TRIB2: variants seen among roughly 807,000 people sequenced by gnomAD.
The protein encoded by TRIB2 is tribbles pseudokinase 2.
TRIB2 carries 2 observed loss-of-function variants against 26.8 expected under a neutral mutation model. That is an observed-to-expected ratio of 0.07 (90% CI 0.03 to 0.24). The LOEUF (loss-of-function observed/expected upper bound fraction) is 0.24, where lower values mean the gene tolerates loss of function less well. TRIB2 is among the 10% of genes least tolerant of loss of function. TRIB2 has a pLI of 1.00. For missense variants in TRIB2, 306 were observed against 449.0 expected (o/e 0.68, Z 2.88); for synonymous variants, 189 against 187.3 (o/e 1.01, Z -0.08).
Position 12,723,499 on chromosome 2 carries a change from G to A in TRIB2, c.510G>A (p.Gly170=), listed in dbSNP as rs766174110. 5.6e-6 allele frequency: 9 copies of A among 1,614,204 alleles called. No homozygotes were observed. In the South Asian group the frequency reaches 8.8e-5, roughly 16 times the overall value. Residue 170 remains glycine, a synonymous_variant, in exon 2 of 3, where the codon GGG becomes GGA. Coordinates refer to ENST00000155926, the MANE Select transcript of TRIB2 (RefSeq NM_021643.4). ...CAGTGGCCCACTGCCATGACGGGGG[G>A]CTGGTGCTGCGGGACCTCAAGCTGC... The part of the protein sequence containing the change: ...ASAVAHCHDG[G]LVLRDLKLRK...
At chr2:12,729,540 C>T (rs1056996038) in intron 2 of TRIB2, among the ~76,000 whole-genome samples, 2 of 152,152 alleles carry the variant, frequency 1.3e-5, no homozygotes, top group African/African-American at 2.4e-5. Context: ...GAAATTTACC[C>T]ATCATTTCCC....
At chr2:12,728,750 A>G (rs1251165369) in intron 2 of TRIB2, among the ~76,000 whole-genome samples, 41 of 152,138 alleles carry the variant, frequency 2.7e-4, no homozygotes, top group Admixed American at 2.5e-3. Flanking sequence ...TTTCGGTATA[A>G]TAAACGCCAC....
In TRIB2 at chr2:12,717,613, TTTTG is replaced by T. The variant is rs1057474007; in HGVS notation, c.-683_-680del. On this transcript the variant is annotated 5_prime_UTR_variant, in exon 1 of 3. It removes the in-frame stop codon of an upstream open reading frame in the 5' UTR. Transcript: ENST00000155926. This position sits in a 1 kb window ranked among gnomAD's most constrained non-coding sequence, Gnocchi z 4.8. ...AATGCTCCCTTGCAATTTTTCTTTT[TTTTG>T]TTTGTTTGTTTAATTTTTGGAGAGC... 38 of 397,202 alleles carry T rather than the reference TTTTG, an allele frequency of 9.6e-5. No individual in the cohort carries two copies. The highest frequency in any genetic ancestry group is 1.8e-4 in the East Asian group (5 of 28,046). The allele number at this position is 397,202 out of a possible 1,614,324, so 24.6% of individuals were successfully genotyped here. A position where few individuals can be genotyped will look rare whatever the true frequency, so the allele number is the denominator to read the frequency against.
intron 2 of TRIB2, among the ~76,000 whole-genome samples, chr2:12,733,542 A>G (rs1340932235): frequency 6.6e-6 from 1 of 152,206 alleles, no homozygotes; most frequent in Non-Finnish European, 1.5e-5. Context: ...TATATTAGGT[A>G]GCATGCATAT....
In TRIB2 at chr2:12,718,095, AG is replaced by A. The variant is rs1432295152; in HGVS notation, c.-211del. 40 of 634,042 alleles carry A rather than the reference AG, an allele frequency of 6.3e-5. No individual in the cohort carries two copies. Among genetic ancestry groups the A allele is most frequent in the Non-Finnish European group, 9.8e-5 (37 of 378,148 alleles). The allele number at this position is 634,042 out of a possible 1,614,324, so 39.3% of individuals were successfully genotyped here. ...AAAGACCCGAGTTGCCTGCCGACCGAGGACCCCCGGGAGCCGGGCTCGGAGC... is the reference window on the plus strand; with the variant it reads ...AAAGACCCGAGTTGCCTGCCGACCGAGACCCCCGGGAGCCGGGCTCGGAGC... On this transcript the variant is annotated 5_prime_UTR_variant, in exon 1 of 3. Transcript: ENST00000155926. This position sits in a 1 kb window ranked among gnomAD's most constrained non-coding sequence, Gnocchi z 4.0.
chr2:12,733,554 T>C (rs1457960781), intron 2 of TRIB2, among the ~76,000 whole-genome samples: 3 of 152,210 alleles, frequency 2.0e-5, no homozygotes, highest in Admixed American at 6.5e-5. Flanking sequence ...CATGCATATA[T>C]CATACTTGTC....
chr2:12,727,934 CCT>C (rs1227987458), intron 2 of TRIB2, among the ~76,000 whole-genome samples: 1 of 152,152 alleles, frequency 6.6e-6, no homozygotes, highest in African/African-American at 2.4e-5. Flanking sequence ...TCCGCCTCCC[CCT>C]CTCTGCTGTG....
chr2:12,719,698 CT>C (rs1262551277), intron 1 of TRIB2, among the ~76,000 whole-genome samples: 2 of 151,806 alleles, frequency 1.3e-5, no homozygotes, highest in African/African-American at 2.4e-5. Flanking sequence ...CCACAGACTA[CT>C]TTGCGGACTT....
At chr2:12,729,199 C>A (rs1326046502) in intron 2 of TRIB2, among the ~76,000 whole-genome samples, 1 of 152,118 alleles carries the variant, frequency 6.6e-6, no homozygotes, top group Non-Finnish European at 1.5e-5. Flanking sequence ...CTTTCCTCAT[C>A]AGAGCTCATC....
chr2:12,725,710 C>T (rs1454214670), intron 2 of TRIB2, among the ~76,000 whole-genome samples: 1 of 152,202 alleles, frequency 6.6e-6, no homozygotes, highest in Admixed American at 6.5e-5. Flanking sequence ...AATGTGAAAC[C>T]GAAACAATTG....
At chr2:12,721,812 T>G (rs1661226468) in intron 1 of TRIB2, among the ~76,000 whole-genome samples, 1 of 152,238 alleles carries the variant, frequency 6.6e-6, no homozygotes, top group Admixed American at 6.5e-5. Context: ...ACAGATTTTG[T>G]TTCAATTTTT....
At chr2:12,738,922 A>T (rs1324045237) in intron 2 of TRIB2, among the ~76,000 whole-genome samples, 4 of 152,236 alleles carry the variant, frequency 2.6e-5, no homozygotes, top group Non-Finnish European at 5.9e-5. Flanking sequence ...GTAAGGATGC[A>T]TGCTGGGTTC....
rs116410612 is a variant in TRIB2 at position 12,725,074 on chromosome 2, G to A, written c.563+1522G>A. ...CAACGTGGTGAAGTCCCAAAGTTACGGACAGGAAAGAGCAGAAGTAAGGCC... is the reference window on the plus strand; with the variant it reads ...CAACGTGGTGAAGTCCCAAAGTTACAGACAGGAAAGAGCAGAAGTAAGGCC... On this transcript the variant is annotated intron_variant, in intron 2 of 2. Transcript: ENST00000155926. 4.8e-3 allele frequency among the ~76,000 whole-genome samples: 733 copies of A among 152,312 alleles called. 3 individuals carry two copies. Among genetic ancestry groups the A allele is most frequent in the Middle Eastern group, 0.01 (3 of 294 alleles).
rs1210429434 is a variant in TRIB2 at position 12,741,392 on chromosome 2, A to G, written c.*598A>G. 6.5e-6 allele frequency: 1 copy of G among 153,022 alleles called. No homozygotes were observed. The highest frequency in any genetic ancestry group is 1.5e-5 in the Non-Finnish European group (1 of 68,398). 9.5% of individuals were successfully genotyped at this position (153,022 alleles called of 1,614,324 possible). A position where few individuals can be genotyped will look rare whatever the true frequency, so the allele number is the denominator to read the frequency against. On this transcript the variant is annotated 3_prime_UTR_variant, in exon 3 of 3. Coordinates refer to ENST00000155926, the MANE Select transcript of TRIB2 (RefSeq NM_021643.4). Reference sequence around the variant, plus strand: ...TCAACTCATTTCTTCTAAATAAACTATTTAATATCCTGGTCAGGAAATGAC... The same window carrying G: ...TCAACTCATTTCTTCTAAATAAACTGTTTAATATCCTGGTCAGGAAATGAC...
chr2:12,724,527 C>G (rs183231229), intron 2 of TRIB2: 2 of 1,517,900 alleles, frequency 1.3e-6, no homozygotes, highest in African/African-American at 2.8e-5. Context: ...ATATCTTGAT[C>G]TTTGCTTGTG....
chr2:12,733,326 T>C (rs529016654), intron 2 of TRIB2, among the ~76,000 whole-genome samples: 1 of 152,354 alleles, frequency 6.6e-6, no homozygotes, highest in South Asian at 2.1e-4. Flanking sequence ...CTGAATAAAC[T>C]GCACCAGATT....
chr2:12,723,300 G>C lies in TRIB2; in HGVS notation c.311G>C (p.Cys104Ser). ...TGCTACCAGGAATCCCTGGCACCGT[G>C]CTTTTGCCTGTCTGCTCATAGTAAC... ...ISCYQESLAP[C>S]FCLSAHSNIN... Residue 104 changes from cysteine to serine, a missense_variant, in exon 2 of 3, where the codon TGC becomes TCC. By Grantham distance (112) the Cys-to-Ser change is moderately radical (BLOSUM62 -1). Around this residue, in one of 4 missense-constraint regions of TRIB2, gnomAD observed 118 missense variants for 188.8 expected, o/e 0.63. Coordinates refer to ENST00000155926, the MANE Select transcript of TRIB2 (RefSeq NM_021643.4). The C allele has an allele frequency of 6.2e-7, 1 of 1,614,180 alleles. No individual in the cohort carries two copies. The highest frequency in any genetic ancestry group is 8.5e-7 in the Non-Finnish European group (1 of 1,180,042).
At chr2:12,725,797 G>C (rs533326004) in intron 2 of TRIB2, among the ~76,000 whole-genome samples, 4 of 152,354 alleles carry the variant, frequency 2.6e-5, no homozygotes, top group Non-Finnish European at 5.9e-5. Context: ...GAATGTAAAG[G>C]ACTGTAGGGA....
chr2:12,719,531 C>G (rs893853036), intron 1 of TRIB2, among the ~76,000 whole-genome samples: 1 of 151,336 alleles, frequency 6.6e-6, no homozygotes, highest in African/African-American at 2.4e-5. Context: ...CAGAATTGGA[C>G]CTAGATCAAG....
Sources: gnomAD v4.1 joint callset for allele counts (sites outside exome capture counted in the v4.1 genomes callset) on GRCh38, gnomAD v4.1.1 for gene constraint, gnomAD v4.1.1 regional missense constraint, Gnocchi (gnomAD v3.1) non-coding constraint, MANE v1.5 for transcripts, NCBI Gene and HGNC (gene_info 2026-07-23, HGNC 2026-07-21) for gene names.